OPRL1: variants seen among roughly 807,000 people sequenced by gnomAD.
The protein encoded by OPRL1 is opioid related nociceptin receptor 1, also known as nociceptin receptor.
OPRL1 carries 5 observed loss-of-function variants against 15.5 expected under a neutral mutation model. That is an observed-to-expected ratio of 0.32 (90% confidence interval 0.17 to 0.68). OPRL1 has a LOEUF of 0.68. Among genes scored for constraint, OPRL1 ranks in the 30% least tolerant of loss-of-function variants. The pLI is 0.72. For missense variants in OPRL1, 406 were observed against 515.3 expected, an observed-to-expected ratio of 0.79 and a Z score of 2.05; for synonymous variants, 223 against 230.2, an observed-to-expected ratio of 0.97 and a Z score of 0.28.
rs1345047601 is a variant in OPRL1, at chr20:64,083,255, T to C, written c.-185+2903T>C. On this transcript the variant is annotated intron_variant, in intron 1 of 4. Transcript: ENST00000336866. This position sits in a 1 kb window ranked among gnomAD's most constrained non-coding sequence, Gnocchi z 4.9. ...ACCCACCCACTTGCGTCTCCCCACT[T>C]TTTTGGGAGAGGCCCCACTCTCTGT... The C allele has an allele frequency of 2.3e-6, 2 of 865,068 alleles. No individual in the cohort carries two copies. The highest frequency in any genetic ancestry group is 2.4e-4 in the Middle Eastern group (1 of 4,196). 53.6% of individuals were successfully genotyped at this position (865,068 alleles called of 1,614,324 possible).
intron 1 of OPRL1, among the ~76,000 whole-genome samples, chr20:64,085,920 C>A (rs2145577833): frequency 6.6e-6 from 1 of 152,298 alleles, no homozygotes; most frequent in East Asian, 1.9e-4. Flanking sequence ...ACAGCTAGGC[C>A]CATCCTTCCA....
Position 64,097,762 on chromosome 20 carries a change from C to T in OPRL1, c.234-40C>T. Reference sequence around the variant, plus strand: ...GCCCTTTGCTGCCTGGTCCAGCCAGCATGGCCAAGTGAAGCCTTTCTTCTC... The same window carrying T: ...GCCCTTTGCTGCCTGGTCCAGCCAGTATGGCCAAGTGAAGCCTTTCTTCTC... On this transcript the variant is annotated intron_variant, in intron 3 of 4. Coordinates refer to ENST00000336866, the MANE Select transcript of OPRL1 (RefSeq NM_182647.4). This position sits in a 1 kb window ranked among gnomAD's most constrained non-coding sequence, Gnocchi z 4.2. 2 of 1,569,680 alleles carry T rather than the reference C, an allele frequency of 1.3e-6. No homozygotes were observed. The highest frequency in any genetic ancestry group is 1.7e-6 in the Non-Finnish European group (2 of 1,146,742).
chr20:64,081,884 G>A (rs2059971800), intron 1 of OPRL1, among the ~76,000 whole-genome samples: 1 of 152,204 alleles, frequency 6.6e-6, no homozygotes, highest in Non-Finnish European at 1.5e-5. Flanking sequence ...TGGGTCTGCT[G>A]TGCCTGTCTC....
Position 64,083,566 on chromosome 20 carries a change from C to T in OPRL1, c.-185+3214C>T, listed in dbSNP as rs574948146. On this transcript the variant is annotated intron_variant, in intron 1 of 4. Transcript: ENST00000336866. The surrounding 1 kb of genome is among the most constrained non-coding windows in gnomAD (Gnocchi z 4.9). The stretch of plus-strand genomic sequence containing the variant: ...GGCCCCTCCCCTTTCCCCGCCCCTA[C>T]CGGGGCTTGTCTGCACCTCTTGGCG... The T allele has an allele frequency of 1.5e-5, 23 of 1,527,610 alleles. No homozygotes were observed. The African/African-American group carries it at 2.8e-4, about 18-fold the overall frequency. The allele number at this position is 1,527,610 out of a possible 1,614,324, so 94.6% of individuals were successfully genotyped here.
chr20:64,081,629 G>A (rs1410868763), intron 1 of OPRL1, among the ~76,000 whole-genome samples: 1 of 152,218 alleles, frequency 6.6e-6, no homozygotes, highest in Non-Finnish European at 1.5e-5. Flanking sequence ...AGTTGATGGC[G>A]GAGCTGGGAT....
chr20:64,098,432 C>G lies in OPRL1; in HGVS notation c.746C>G (p.Ser249Trp), dbSNP rs779780807. 1 of 1,613,432 alleles carries G rather than the reference C, an allele frequency of 6.2e-7. No homozygotes were observed. The highest frequency in any genetic ancestry group is 8.5e-7 in the Non-Finnish European group (1 of 1,180,020). Residue 249 changes from serine to tryptophan, a missense_variant, in exon 5 of 5, where the codon TCG becomes TGG. By Grantham distance (177) the Ser-to-Trp change is radical. Transcript: ENST00000336866. ...IRRLRGVRLL[S>W]GSREKDRNLR... Reference sequence around the variant, plus strand: ...CGGCTCCGTGGAGTCCGCCTGCTCTCGGGCTCCCGAGAGAAGGACCGGAAC... The same window carrying G: ...CGGCTCCGTGGAGTCCGCCTGCTCTGGGGCTCCCGAGAGAAGGACCGGAAC...
At position 64,097,812 on chromosome 20, in the gene OPRL1, A is replaced by G. The variant is rs1184553014; in HGVS notation, c.244A>G (p.Met82Val). ...CCCTCTACTCCGCAGGCACACCAAA[A>G]TGAAGACAGCCACCAATATTTACAT... ...VMYVILRHTK[M>V]KTATNIYIFN... is the part of the protein sequence containing the mutation. Residue 82 changes from methionine to valine, a missense_variant, in exon 4 of 5, where the codon ATG (methionine) becomes GTG (valine). Coordinates refer to ENST00000336866, the MANE Select transcript of OPRL1 (RefSeq NM_182647.4). The surrounding 1 kb of genome is among the most constrained non-coding windows in gnomAD (Gnocchi z 4.2). The G allele has an allele frequency of 1.2e-6, 2 of 1,611,680 alleles. No individual in the cohort carries two copies. Among genetic ancestry groups the G allele is most frequent in the Admixed American group, 3.3e-5 (2 of 59,996 alleles).
At chr20:64,086,578 G>A (rs1490719252) in intron 1 of OPRL1, 1 of 197,636 alleles carries the variant, frequency 5.1e-6, no homozygotes, top group Admixed American at 4.6e-5. Context: ...AAGGCCTGAC[G>A]ATGAAACTTC....
In OPRL1 at chr20:64,098,474, G is replaced by C. The variant is rs761398338; in HGVS notation, c.788G>C (p.Arg263Pro). Residue 263 changes from arginine to proline, a missense_variant, in exon 5 of 5, where the codon CGG (arginine) becomes CCG (proline). Arg to Pro is a moderately radical substitution (Grantham distance 103, BLOSUM62 -2). Transcript: ENST00000336866. ...GACCGGAACCTGCGGCGCATCACTC[G>C]GCTGGTGCTGGTGGTAGTGGCTGTG... The part of the protein sequence containing the change: ...EKDRNLRRIT[R>P]LVLVVVAVFV... The C allele has an allele frequency of 1.2e-6, 2 of 1,613,254 alleles. No individual in the cohort carries two copies. The highest frequency in any genetic ancestry group is 2.2e-5 in the South Asian group (2 of 91,080).
In OPRL1 at chr20:64,083,182, G is replaced by A. The variant is rs1466707258; in HGVS notation, c.-185+2830G>A. Among the ~76,000 whole-genome samples, 1 of 152,206 alleles carries A rather than the reference G, an allele frequency of 6.6e-6. No individual in the cohort carries two copies. The highest frequency in any genetic ancestry group is 1.5e-5 in the Non-Finnish European group (1 of 68,040). On this transcript the variant is annotated intron_variant, in intron 1 of 4. Coordinates refer to ENST00000336866, the MANE Select transcript of OPRL1 (RefSeq NM_182647.4). This position sits in a 1 kb window ranked among gnomAD's most constrained non-coding sequence, Gnocchi z 4.9. ...ACAGAACGCCAGGTTGCCAGTGGGG[G>A]GCAGATCGGGATTAGGGGTAGGCGT...
intron 1 of OPRL1, among the ~76,000 whole-genome samples, chr20:64,087,793 T>C (rs1342190560): frequency 1.3e-5 from 2 of 152,258 alleles, no homozygotes; most frequent in African/African-American, 4.8e-5. Context: ...ATGTTCTATA[T>C]AGGACCCTGA....
Position 64,083,251 on chromosome 20 carries a change from CA to C in OPRL1, c.-185+2900del, listed in dbSNP as rs1156334293. ...TCACACCCACCCACTTGCGTCTCCC[CA>C]CTTTTTTGGGAGAGGCCCCACTCTC... On this transcript the variant is annotated intron_variant, in intron 1 of 4. Transcript: ENST00000336866. This position sits in a 1 kb window ranked among gnomAD's most constrained non-coding sequence, Gnocchi z 4.9. 2 of 822,062 alleles carry C rather than the reference CA, an allele frequency of 2.4e-6. No homozygotes were observed. Among genetic ancestry groups the C allele is most frequent in the Non-Finnish European group, 3.7e-6 (2 of 534,174 alleles). The allele number at this position is 822,062 out of a possible 1,614,324, so 50.9% of individuals were successfully genotyped here. A position where few individuals can be genotyped will look rare whatever the true frequency, so the allele number is the denominator to read the frequency against.
intron 2 of OPRL1, 104 bp from the exon 3 acceptor site, chr20:64,092,584 G>A (rs567137311): frequency 2.5e-6 from 2 of 797,820 alleles, no homozygotes; most frequent in African/African-American, 3.5e-5. Context: ...TGGCTGCCCA[G>A]CGTGGGGGTC....
intron 3 of OPRL1, among the ~76,000 whole-genome samples, chr20:64,093,250 C>T (rs1205827218): frequency 1.3e-5 from 2 of 151,516 alleles, no homozygotes; most frequent in African/African-American, 4.8e-5. Context: ...AAGCTGTCTG[C>T]TTGAATGACC....
intron 1 of OPRL1, among the ~76,000 whole-genome samples, chr20:64,081,349 A>G (rs1221639979): frequency 2.0e-5 from 3 of 152,222 alleles, no homozygotes; most frequent in Non-Finnish European, 4.4e-5. Context: ...GGGAAGCTCA[A>G]CGAAGATGGG....
chr20:64,098,290 G>GT lies in OPRL1; in HGVS notation c.605dup (p.Glu203GlyfsTer122), dbSNP rs1205357030. The GT allele has an allele frequency of 1.9e-6, 3 of 1,613,598 alleles. No homozygotes were observed. The African/African-American group carries it at 4.0e-5, about 22-fold the overall frequency. The stretch of plus-strand genomic sequence containing the variant: ...TCTCCCTGCAGAGATCGAGTGCCTG[G>GT]TGGAGATCCCTACCCCTCAGGATTA... On this transcript the variant is annotated frameshift_variant, in exon 5 of 5. Transcript: ENST00000336866. LOFTEE classifies it low-confidence loss of function (END_TRUNC).
chr20:64,095,527 A>G (rs1979019387), intron 3 of OPRL1, among the ~76,000 whole-genome samples: 1 of 151,232 alleles, frequency 6.6e-6, no homozygotes, highest in Admixed American at 6.6e-5. Flanking sequence ...CTATCCAGAG[A>G]AGAGAGAACT....
rs540146642 is a variant in OPRL1 at position 64,092,499 on chromosome 20, G to A, written c.-33-189G>A. Among the ~76,000 whole-genome samples, 18 of 152,228 alleles carry A rather than the reference G, an allele frequency of 1.2e-4. No individual in the cohort carries two copies. The East Asian group carries it at 3.3e-3, about 28-fold the overall frequency. ...TCCCTGTCTGTGCACACGTGTCCTC[G>A]TGTCTCCATGTGTCCCTGCATGTGC... On this transcript the variant is annotated intron_variant, in intron 2 of 4. Transcript: ENST00000336866.
Position 64,090,793 on chromosome 20 carries a change from TGTGGCAGAGGTGCCCTGGGCACTGATCTG to T in OPRL1, c.-184-1171_-184-1143del, listed in dbSNP as rs2060111868. Among the ~76,000 whole-genome samples the T allele has an allele frequency of 6.9e-6, 1 of 145,248 alleles. No homozygotes were observed. The highest frequency in any genetic ancestry group is 1.5e-5 in the Non-Finnish European group (1 of 65,690). On this transcript the variant is annotated intron_variant, in intron 1 of 4. Coordinates refer to ENST00000336866, the MANE Select transcript of OPRL1 (RefSeq NM_182647.4). The surrounding 1 kb of genome is among the most constrained non-coding windows in gnomAD (Gnocchi z 4.9). ...CCTGGGCACTGATCTGGGGCCCAGC[TGTGGCAGAGGTGCCCTGGGCACTGATCTG>T]GGGCCCAGCTGTGGCAGAGGTGCCC...
Sources: allele counts gnomAD v4.1 joint callset (sites outside exome capture counted in the v4.1 genomes callset), GRCh38; gene constraint gnomAD v4.1.1; non-coding constraint Gnocchi (gnomAD v3.1); transcripts MANE v1.5; gene names NCBI Gene and HGNC (gene_info 2026-07-23, HGNC 2026-07-21).